Variants in DUS4L observed in about 807,000 individuals in gnomAD.
The protein encoded by DUS4L is dihydrouridine synthase 4 like.
DUS4L carries 31 observed loss-of-function variants against 33.8 expected under a neutral mutation model. The ratio of observed to expected loss-of-function variants is 0.92; its 90% CI spans 0.69 to 1.24. The LOEUF is 1.24. Among genes scored for constraint, DUS4L ranks in the 50% most tolerant of loss-of-function variants. The pLI, the probability that DUS4L is intolerant of heterozygous loss-of-function variation, is 0.00. For missense variants in DUS4L, 368 were observed against 388.6 expected, an observed-to-expected ratio of 0.95 and a Z score of 0.45; for synonymous variants, 103 against 120.3, an observed-to-expected ratio of 0.86 and a Z score of 0.94.
intron 4 of DUS4L, among the ~76,000 whole-genome samples, chr7:107,572,388 T>C (rs1805327697): frequency 1.3e-5 from 2 of 152,204 alleles, no homozygotes; most frequent in Admixed American, 1.3e-4. Flanking sequence ...GCAACTAGGA[T>C]GATGCCCACA....
chr7:107,573,650 T>C (rs1805465200), intron 4 of DUS4L, 54 bp from the exon 5 acceptor site: 3 of 1,557,252 alleles, frequency 1.9e-6, no homozygotes, highest in Admixed American at 1.9e-5. Flanking sequence ...TTGGTGTGTG[T>C]GTGCATGGGG....
At chr7:107,573,852 C>A in intron 5 of DUS4L, 31 bp downstream of exon 5, 1 of 1,454,630 alleles carries the variant, frequency 6.9e-7, no homozygotes, top group South Asian at 1.5e-5. Context: ...AAGAATTTTC[C>A]AAAAGAGTAG....
At chr7:107,576,675 GT>G in intron 7 of DUS4L, 83 bp downstream of exon 7, 1 of 1,317,284 alleles carries the variant, frequency 7.6e-7, no homozygotes, top group Non-Finnish European at 1.0e-6. Flanking sequence ...ATTTTCATTT[GT>G]TTTGTTTAAC....
In DUS4L at chr7:107,564,004, C is replaced by A. The variant is rs1324929105; in HGVS notation, c.-316C>A. On this transcript the variant is annotated 5_prime_UTR_variant, in exon 1 of 8. The change creates a new upstream start codon in the 5' untranslated region. Coordinates refer to ENST00000265720, the MANE Select transcript of DUS4L (RefSeq NM_181581.3). ...ACCCAGCCCATGGCTCCAGGCCCAC[C>A]TGGCGAACTGACTCTCAGCCCGCGC... 6.4e-7 allele frequency: 1 copy of A among 1,554,090 alleles called. No individual in the cohort carries two copies. Among genetic ancestry groups the A allele is most frequent in the East Asian group, 2.4e-5 (1 of 41,362 alleles).
At chr7:107,576,996 AAT>A in intron 7 of DUS4L, 1 of 314,886 alleles carries the variant, frequency 3.2e-6, no homozygotes, top group Non-Finnish European at 5.8e-6. Context: ...TAGATGGGAG[AAT>A]ATAGATAAAC....
Position 107,567,152 on chromosome 7 carries a change from G to A in DUS4L, c.82G>A (p.Val28Ile), listed in dbSNP as rs199510674. ...PIEMFHSGQL[V>I]KVCAPMVRYS... Reference sequence around the variant, plus strand: ...AGAAATGTTTCATTCTGGACAGCTGGTAAAAGTCTGTGCCCCAATGGTTCG... The same window carrying A: ...AGAAATGTTTCATTCTGGACAGCTGATAAAAGTCTGTGCCCCAATGGTTCG... Residue 28 changes from valine to isoleucine, a missense_variant, in exon 3 of 8, where the codon GTA becomes ATA. Transcript: ENST00000265720. The A allele has an allele frequency of 1.9e-6, 3 of 1,613,448 alleles. No homozygotes were observed. In the South Asian group the frequency reaches 3.3e-5, roughly 18 times the overall value.
chr7:107,570,264 C>G (rs1333297339), intron 3 of DUS4L: 1 of 152,078 alleles, frequency 6.6e-6, no homozygotes, highest in Non-Finnish European at 1.5e-5. Context: ...GGAGTGGTGC[C>G]ACCTCATTGC....
chr7:107,567,146 C>T lies in DUS4L; in HGVS notation c.76C>T (p.Gln26Ter). The part of the protein sequence containing the change: ...KDPIEMFHSG[Q>*]LVKVCAPMVR... ...TCCCATAGAAATGTTTCATTCTGGA[C>T]AGCTGGTAAAAGTCTGTGCCCCAAT... The change falls in exon 3 of 8, where the codon CAG becomes TAG. Residue 26 changes from glutamine to a stop codon, truncating the protein, a stop_gained. Transcript: ENST00000265720. LOFTEE classifies it high-confidence loss of function. The T allele has an allele frequency of 6.2e-7, 1 of 1,613,532 alleles. No homozygotes were observed. The highest frequency in any genetic ancestry group is 8.5e-7 in the Non-Finnish European group (1 of 1,179,654).
At chr7:107,567,887 C>T (rs944435945) in intron 3 of DUS4L, 8 of 289,666 alleles carry the variant, frequency 2.8e-5, no homozygotes, top group Admixed American at 4.8e-5. Flanking sequence ...AAGTCTTATA[C>T]GTATTTGTTC....
chr7:107,566,902 G>A (rs1430945615), intron 2 of DUS4L, 148 bp from the exon 3 acceptor site: 4 of 528,764 alleles, frequency 7.6e-6, no homozygotes, highest in Non-Finnish European at 1.3e-5. Flanking sequence ...GTATCATATT[G>A]GATACTGTGA....
At chr7:107,565,992 C>T (rs566854305) in intron 2 of DUS4L, among the ~76,000 whole-genome samples, 67 of 152,278 alleles carry the variant, frequency 4.4e-4, no homozygotes, top group Non-Finnish European at 7.9e-4. Context: ...TACCTATCCC[C>T]TCCTTCCTTC....
chr7:107,569,730 C>G (rs1355522615), intron 3 of DUS4L, among the ~76,000 whole-genome samples: 1 of 152,170 alleles, frequency 6.6e-6, no homozygotes, highest in Non-Finnish European at 1.5e-5. Flanking sequence ...TTATTGCTAG[C>G]ACATAGAAAT....
chr7:107,573,901 T>G (rs1442650729), intron 5 of DUS4L, 80 bp downstream of exon 5: 1 of 1,391,680 alleles, frequency 7.2e-7, no homozygotes, highest in African/African-American at 1.5e-5. Context: ...ATCTTTCTAG[T>G]TTTCCAAAAA....
At chr7:107,568,452 T>C (rs1804907480) in intron 3 of DUS4L, among the ~76,000 whole-genome samples, 1 of 152,256 alleles carries the variant, frequency 6.6e-6, no homozygotes. Flanking sequence ...TTAATGATGC[T>C]GAACATCTTT....
At chr7:107,571,288 G>C in intron 4 of DUS4L, 22 bp downstream of exon 4, 1 of 1,588,590 alleles carries the variant, frequency 6.3e-7, no homozygotes, top group Non-Finnish European at 8.5e-7. Flanking sequence ...CGAGTGTACT[G>C]ACTTTGTAAA....
chr7:107,577,168 T>G (rs1420967863), intron 7 of DUS4L, 145 bp from the exon 8 acceptor site: 1 of 1,126,508 alleles, frequency 8.9e-7, no homozygotes, highest in Non-Finnish European at 1.2e-6. Context: ...TCTTTTGTAA[T>G]CGGATTAAAC....
intron 3 of DUS4L, chr7:107,569,969 C>G (rs904163582): frequency 3.3e-5 from 5 of 152,132 alleles, no homozygotes; most frequent in Admixed American, 6.5e-5. Flanking sequence ...GAGCAGACTT[C>G]CTTACCTTGT....
chr7:107,574,441 C>G (rs754355145), intron 5 of DUS4L, among the ~76,000 whole-genome samples: 1 of 149,818 alleles, frequency 6.7e-6, no homozygotes, highest in Non-Finnish European at 1.5e-5. Flanking sequence ...CAGGTTCAAG[C>G]GATTCTCCTG....
chr7:107,573,796 G>T lies in DUS4L; in HGVS notation c.331G>T (p.Asp111Tyr), dbSNP rs143534374. ...AGTCTGTCCTTATGCGAATGGAATA[G>T]ACATTAACTGTGGTTGCCCTCAGAG... ...RIVCPYANGIDINCGCPQRWA... is the reference protein window; with the variant it reads ...RIVCPYANGIYINCGCPQRWA... The change falls in exon 5 of 8, where the codon GAC (aspartate) becomes TAC (tyrosine). Residue 111 changes from aspartate (D) to tyrosine (Y), a missense_variant. Coordinates refer to ENST00000265720, the MANE Select transcript of DUS4L (RefSeq NM_181581.3). The T allele has an allele frequency of 9.5e-6, 15 of 1,571,990 alleles. No homozygotes were observed. Among genetic ancestry groups the T allele is most frequent in the Non-Finnish European group, 1.2e-5 (14 of 1,159,334 alleles).
Sources: gnomAD v4.1 joint callset for allele counts (sites outside exome capture counted in the v4.1 genomes callset) on GRCh38, gnomAD v4.1.1 for gene constraint, MANE v1.5 for transcripts, NCBI Gene and HGNC (gene_info 2026-07-23, HGNC 2026-07-21) for gene names.